Variants in LGR5 observed in about 807,000 individuals in gnomAD.
LGR5 encodes leucine rich repeat containing G protein-coupled receptor 5, also known as leucine-rich repeat-containing G protein-coupled receptor 5.
In LGR5, 54 loss-of-function variants were observed where a neutral mutation model predicts 76.7. The observed-to-expected ratio is 0.70, with a 90% CI of 0.57 to 0.88. LGR5 has a LOEUF of 0.88. Ranked by LOEUF, LGR5 falls within the 40% of genes least tolerant of loss-of-function variation. LGR5 has a pLI of 0.00. For missense variants in LGR5, 1,078 were observed against 1,073.3 expected (o/e 1.00, Z -0.06); for synonymous variants, 406 against 421.9 (o/e 0.96, Z 0.46).
chr12:71,508,365 C>G (rs766850226), intron 2 of LGR5, among the ~76,000 whole-genome samples: 2 of 151,492 alleles, frequency 1.3e-5, no homozygotes, highest in Non-Finnish European at 2.9e-5. Flanking sequence ...TGGTTCATCT[C>G]TCATCCATGG....
intron 4 of LGR5, among the ~76,000 whole-genome samples, chr12:71,549,599 G>C (rs7967575): frequency 0.16 from 24,632 of 152,004 alleles, 2,039 homozygotes; most frequent in South Asian, 0.23. Context: ...CCTTAACAAA[G>C]CTGGAGGAGG....
intron 1 of LGR5, among the ~76,000 whole-genome samples, chr12:71,442,459 C>T (rs962907641): frequency 3.3e-5 from 5 of 152,192 alleles, no homozygotes; most frequent in Non-Finnish European, 2.9e-5. Flanking sequence ...CCTAAGAAGA[C>T]ATTTTCCCAG....
At chr12:71,547,968 A>G (rs960942313) in intron 4 of LGR5, among the ~76,000 whole-genome samples, 10 of 148,594 alleles carry the variant, frequency 6.7e-5, no homozygotes, top group African/African-American at 2.2e-4. Context: ...ACTATAAACT[A>G]TATGTAACAG....
intron 3 of LGR5, 130 bp from the exon 4 acceptor site, chr12:71,534,985 G>C (rs1876511507): frequency 7.1e-6 from 4 of 564,864 alleles, no homozygotes; most frequent in South Asian, 4.6e-5. Flanking sequence ...AGGAATTTCA[G>C]CTCCCCAAAA....
At chr12:71,462,255 C>T (rs148902253) in intron 1 of LGR5, among the ~76,000 whole-genome samples, 187 of 152,290 alleles carry the variant, frequency 1.2e-3, no homozygotes, top group African/African-American at 4.4e-3. Flanking sequence ...CAGCAGGACT[C>T]ATGCAGGACT....
At chr12:71,453,665 T>A (rs1233503656) in intron 1 of LGR5, among the ~76,000 whole-genome samples, 1 of 151,874 alleles carries the variant, frequency 6.6e-6, no homozygotes, top group Non-Finnish European at 1.5e-5. Context: ...CAAAAATACA[T>A]TCAGGAAAAC....
At chr12:71,571,989 A>G (rs961848339) in intron 12 of LGR5, among the ~76,000 whole-genome samples, 1 of 151,870 alleles carries the variant, frequency 6.6e-6, no homozygotes, top group African/African-American at 2.4e-5. Flanking sequence ...GGGGAAGGCC[A>G]TATTTGTCAT....
At chr12:71,462,759 G>A (rs1396340271) in intron 1 of LGR5, among the ~76,000 whole-genome samples, 9 of 151,950 alleles carry the variant, frequency 5.9e-5, no homozygotes, top group Non-Finnish European at 2.9e-5. Flanking sequence ...TGCCAGTTTT[G>A]GCTGTGCCAC....
At position 71,583,962 on chromosome 12, in the gene LGR5, CTG is replaced by C; in HGVS notation, c.1954_1955del (p.Val652PhefsTer21). On this transcript the variant is annotated frameshift_variant, in exon 18 of 18. Transcript: ENST00000266674. LOFTEE classifies it low-confidence loss of function (END_TRUNC). Reference sequence around the variant, plus strand: ...TTGTCCATTTTTGCTTCAGAATCATCTGTTTTCCTGCTTACTCTGGCAGCCCT... The same window carrying C: ...TTGTCCATTTTTGCTTCAGAATCATCTTTTCCTGCTTACTCTGGCAGCCCT... 1 of 1,614,184 alleles carries C rather than the reference CTG, an allele frequency of 6.2e-7. No homozygotes were observed. Among genetic ancestry groups the C allele is most frequent in the Non-Finnish European group, 8.5e-7 (1 of 1,180,038 alleles).
intron 13 of LGR5, among the ~76,000 whole-genome samples, chr12:71,575,562 T>A (rs1035615130): frequency 2.6e-5 from 4 of 151,872 alleles, no homozygotes; most frequent in African/African-American, 2.4e-5. Flanking sequence ...TACAAAAAAA[T>A]TAGCTGGGCA....
At chr12:71,525,701 A>G (rs1051251218) in intron 3 of LGR5, among the ~76,000 whole-genome samples, 1 of 151,818 alleles carries the variant, frequency 6.6e-6, no homozygotes, top group Non-Finnish European at 1.5e-5. Flanking sequence ...AACAAAGTGT[A>G]TATTGGATAT....
intron 5 of LGR5, 73 bp downstream of exon 5, chr12:71,553,361 G>A (rs899253873): frequency 9.7e-6 from 12 of 1,236,192 alleles, no homozygotes; most frequent in African/African-American, 6.0e-5. Flanking sequence ...TAAAATGCTG[G>A]CTCTTCAAAG....
chr12:71,527,476 C>A (rs1369880814), intron 3 of LGR5, among the ~76,000 whole-genome samples: 2 of 152,058 alleles, frequency 1.3e-5, no homozygotes, highest in Non-Finnish European at 2.9e-5. Flanking sequence ...CTGTGTCTTC[C>A]TATGGCAGAA....
intron 1 of LGR5, among the ~76,000 whole-genome samples, chr12:71,447,971 T>A (rs1164762566): frequency 2.3e-4 from 35 of 152,170 alleles, no homozygotes; most frequent in Admixed American, 2.3e-3. Context: ...CTGTCCTTTT[T>A]TCCGTGTTGC....
At chr12:71,501,939 A>G (rs1458484474) in intron 1 of LGR5, among the ~76,000 whole-genome samples, 1 of 152,168 alleles carries the variant, frequency 6.6e-6, no homozygotes, top group Non-Finnish European at 1.5e-5. Context: ...ATTAATTTTT[A>G]CCTTGTCCAT....
chr12:71,493,851 G>T (rs906067816), intron 1 of LGR5, among the ~76,000 whole-genome samples: 1 of 148,090 alleles, frequency 6.8e-6, no homozygotes, highest in South Asian at 2.1e-4. Flanking sequence ...TCACTGAAGC[G>T]GTGACCTTCT....
At chr12:71,483,909 T>C (rs996662048) in intron 1 of LGR5, among the ~76,000 whole-genome samples, 3 of 152,176 alleles carry the variant, frequency 2.0e-5, no homozygotes, top group Admixed American at 6.5e-5. Context: ...GATAGGATGA[T>C]GTAAACCAGA....
At chr12:71,554,300 G>T (rs1877651362) in intron 5 of LGR5, among the ~76,000 whole-genome samples, 1 of 152,126 alleles carries the variant, frequency 6.6e-6, no homozygotes. Context: ...AGTCAGTCCT[G>T]GATGAGGGCC....
intron 1 of LGR5, among the ~76,000 whole-genome samples, chr12:71,495,761 A>G (rs181349978): frequency 6.6e-6 from 1 of 151,460 alleles, no homozygotes; most frequent in Admixed American, 6.5e-5. Flanking sequence ...CTATTAGACT[A>G]TTAACTCTTT....
Sources: gnomAD v4.1 joint callset for allele counts (sites outside exome capture counted in the v4.1 genomes callset) on GRCh38, gnomAD v4.1.1 for gene constraint, MANE v1.5 for transcripts, NCBI Gene and HGNC (gene_info 2026-07-23, HGNC 2026-07-21) for gene names.